Variants in PNPLA8 observed in about 807,000 individuals in gnomAD.
PNPLA8 encodes patatin like domain 8, phospholipase A2.
A neutral mutation model predicts 76.9 loss-of-function variants in PNPLA8; 39 were observed. That is an observed-to-expected ratio of 0.51 (90% CI 0.39 to 0.66). The LOEUF (loss-of-function observed/expected upper bound fraction) is 0.66, where lower values mean the gene tolerates loss of function less well. Among genes scored for constraint, PNPLA8 ranks in the 30% least tolerant of loss-of-function variants. The pLI is 0.00. For missense variants in PNPLA8, 887 were observed against 918.0 expected (o/e 0.97, Z 0.44); for synonymous variants, 301 against 307.9 (o/e 0.98, Z 0.24).
intron 4 of PNPLA8, among the ~76,000 whole-genome samples, chr7:108,507,824 C>G (rs1862569622): frequency 6.6e-6 from 1 of 151,446 alleles, no homozygotes; most frequent in Admixed American, 6.6e-5. Context: ...AACTTATCCA[C>G]CATGATCAAG....
At chr7:108,514,362 A>C in intron 3 of PNPLA8, 69 bp from the exon 4 acceptor site, 1 of 1,527,390 alleles carries the variant, frequency 6.5e-7, no homozygotes, top group Non-Finnish European at 8.9e-7. Flanking sequence ...AAAGTTTCTT[A>C]GTTCTCATTA....
Position 108,502,534 on chromosome 7 carries a change from C to G in PNPLA8, c.1315G>C (p.Gly439Arg). 1 of 1,612,152 alleles carries G rather than the reference C, an allele frequency of 6.2e-7. No individual in the cohort carries two copies. The highest frequency in any genetic ancestry group is 1.7e-5 in the Admixed American group (1 of 59,892). ...ATTGAGAGAATTCGGATTCCTCTCCCTTTCACTGGATCCACATAGCCAATT... is the reference window on the plus strand; with the variant it reads ...ATTGAGAGAATTCGGATTCCTCTCCGTTTCACTGGATCCACATAGCCAATT... ...ALIGYVDPVK[G>R]RGIRILSIDG... is the part of the protein sequence containing the mutation. Residue 439 changes from glycine (G) to arginine (R), a missense_variant, in exon 5 of 11, where the codon GGG becomes CGG. Physicochemically the swap from Gly to Arg is moderately radical, Grantham distance 125. Coordinates refer to ENST00000257694, the MANE Select transcript of PNPLA8 (RefSeq NM_001256007.3).
In PNPLA8 at chr7:108,515,340, T is replaced by G; in HGVS notation, c.152A>C (p.His51Pro). 6.2e-7 allele frequency: 1 copy of G among 1,613,764 alleles called. No homozygotes were observed. Among genetic ancestry groups the G allele is most frequent in the Non-Finnish European group, 8.5e-7 (1 of 1,179,852 alleles). Residue 51 changes from histidine (H) to proline (P), a missense_variant, in exon 3 of 11, where the codon CAT (histidine) becomes CCT (proline). Transcript: ENST00000257694. ...ISHISLQRGFHTNIIRCKWTK... is the reference protein window; with the variant it reads ...ISHISLQRGFPTNIIRCKWTK... ...CCATTTACATCTTATTATGTTTGTA[T>G]GAAAACCTCTTTGTAGACTGATGTG...
intron 4 of PNPLA8, among the ~76,000 whole-genome samples, chr7:108,505,120 T>C (rs1398016141): frequency 1.3e-5 from 2 of 151,046 alleles, no homozygotes; most frequent in East Asian, 1.9e-4. Context: ...AACAGATCCA[T>C]ATATACATCT....
intron 7 of PNPLA8, among the ~76,000 whole-genome samples, chr7:108,494,568 A>G (rs1861423113): frequency 6.6e-6 from 1 of 152,176 alleles, no homozygotes; most frequent in Non-Finnish European, 1.5e-5. Context: ...ATAGTATTCC[A>G]CAATGCATAT....
At chr7:108,507,365 A>AAAAAAAAC (rs1554686181) in intron 4 of PNPLA8, among the ~76,000 whole-genome samples, 4 of 150,076 alleles carry the variant, frequency 2.7e-5, no homozygotes, top group African/African-American at 7.3e-5. Context: ...AAAAAAAAAA[A>AAAAAAAAC]AGAAACAGGC....
At chr7:108,491,300 T>A in intron 8 of PNPLA8, 110 bp downstream of exon 8, 1 of 700,538 alleles carries the variant, frequency 1.4e-6, no homozygotes, top group South Asian at 1.8e-5. Flanking sequence ...AGAGTGAAAC[T>A]CTGTCTCAAA....
intron 5 of PNPLA8, among the ~76,000 whole-genome samples, chr7:108,499,633 G>A (rs1206256120): frequency 6.6e-6 from 1 of 152,194 alleles, no homozygotes; most frequent in Non-Finnish European, 1.5e-5. Flanking sequence ...CAAACTAGAT[G>A]CAAGTGGCAG....
chr7:108,502,494 G>C lies in PNPLA8; in HGVS notation c.1355C>G (p.Thr452Arg), dbSNP rs1347347797. 3 of 656,398 alleles carry C rather than the reference G, an allele frequency of 4.6e-6. No homozygotes were observed. Among genetic ancestry groups the C allele is most frequent in the African/African-American group, 2.1e-5 (1 of 48,062 alleles). 40.7% of individuals were successfully genotyped at this position (656,398 alleles called of 1,614,324 possible). A position where few individuals can be genotyped will look rare whatever the true frequency, so the allele number is the denominator to read the frequency against. ...AGAATCATGTTCCTAGCCTTACCTTGTTCCTCCACCATCAATTGAGAGAAT... is the reference window on the plus strand; with the variant it reads ...AGAATCATGTTCCTAGCCTTACCTTCTTCCTCCACCATCAATTGAGAGAAT... ...IRILSIDGGG[T>R]RGVVALQTLR... Residue 452 changes from threonine to arginine, a missense_variant, in exon 5 of 11, where the codon ACA becomes AGA. Physicochemically the swap from Thr to Arg is moderately conservative, Grantham distance 71. Coordinates refer to ENST00000257694, the MANE Select transcript of PNPLA8 (RefSeq NM_001256007.3).
chr7:108,522,956 C>A (rs1392023583), intron 1 of PNPLA8, among the ~76,000 whole-genome samples: 1 of 151,998 alleles, frequency 6.6e-6, no homozygotes, highest in Non-Finnish European at 1.5e-5. Flanking sequence ...GTTTAATTGC[C>A]CCCAAATCAC....
chr7:108,504,572 C>T (rs1598929990), intron 4 of PNPLA8, among the ~76,000 whole-genome samples: 1 of 152,288 alleles, frequency 6.6e-6, no homozygotes, highest in South Asian at 2.1e-4. Context: ...ATATTCACTG[C>T]AATCCCACCA....
In PNPLA8 at chr7:108,471,661, A is replaced by T. The variant is rs1210468058; in HGVS notation, c.*740T>A. 1 of 152,232 alleles carries T rather than the reference A, an allele frequency of 6.6e-6. No individual in the cohort carries two copies. Among genetic ancestry groups the T allele is most frequent in the Non-Finnish European group, 1.5e-5 (1 of 68,038 alleles). The allele number at this position is 152,232 out of a possible 1,614,324, so 9.4% of individuals were successfully genotyped here. On this transcript the variant is annotated 3_prime_UTR_variant, in exon 11 of 11. Coordinates refer to ENST00000257694, the MANE Select transcript of PNPLA8 (RefSeq NM_001256007.3). ...TAGTTTATTTTTGTTAATGATAGGA[A>T]TATCTCCTCAGTAAGTTCAAACCAT... is the stretch of plus-strand genomic sequence containing the variant.
In PNPLA8 at chr7:108,515,487, G is replaced by C. The variant is rs373015143; in HGVS notation, c.5C>G (p.Ser2Cys). Residue 2 changes from serine to cysteine, a missense_variant, in exon 3 of 11, where the codon TCT becomes TGT. Physicochemically the swap from Ser to Cys is moderately radical, Grantham distance 112. Coordinates refer to ENST00000257694, the MANE Select transcript of PNPLA8 (RefSeq NM_001256007.3). ...ATATATATCTACAGTCAGATTAATA[G>C]ACATAACTTAAAAATCATTTATTTT... MSINLTVDIYIY... is the reference protein window; with the variant it reads MCINLTVDIYIY... 1.3e-5 allele frequency: 18 copies of C among 1,422,954 alleles called. No individual in the cohort carries two copies. The highest frequency in any genetic ancestry group is 1.4e-5 in the Non-Finnish European group (15 of 1,079,740). 88.1% of individuals were successfully genotyped at this position (1,422,954 alleles called of 1,614,324 possible).
chr7:108,480,855 C>A (rs756583309), intron 9 of PNPLA8: 48 of 244,298 alleles, frequency 2.0e-4, no homozygotes, highest in Non-Finnish European at 3.6e-4. Flanking sequence ...AGTTCCATCA[C>A]CCCCAAAAAC....
chr7:108,494,455 G>T (rs1861414177), intron 7 of PNPLA8, among the ~76,000 whole-genome samples: 1 of 152,150 alleles, frequency 6.6e-6, no homozygotes, highest in South Asian at 2.1e-4. Flanking sequence ...TAAGTAAGAA[G>T]ATGTGGTATT....
rs2154516782 is a variant in PNPLA8 at position 108,515,359 on chromosome 7, TG to T, written c.132del (p.Ser45ValfsTer10). The stretch of plus-strand genomic sequence containing the variant: ...TTTGTATGAAAACCTCTTTGTAGAC[TG>T]ATGTGGCTTATCCTCCAGTAATGCT... The part of the protein sequence containing the change: ...SPKHYWRISH[I>X]SLQRGFHTNI... On this transcript the variant is annotated frameshift_variant, in exon 3 of 11. Transcript: ENST00000257694. LOFTEE classifies it high-confidence loss of function. 6.2e-7 allele frequency: 1 copy of T among 1,613,604 alleles called. No homozygotes were observed. Among genetic ancestry groups the T allele is most frequent in the Non-Finnish European group, 8.5e-7 (1 of 1,179,718 alleles).
In PNPLA8 at chr7:108,471,131, T is replaced by C. The variant is rs1859602384; in HGVS notation, c.*1270A>G. Reference sequence around the variant, plus strand: ...TGAGTTTGTTTGGCATGAACAATGTTCCATGTAAGTGCATCTTACCAACTT... The same window carrying C: ...TGAGTTTGTTTGGCATGAACAATGTCCCATGTAAGTGCATCTTACCAACTT... On this transcript the variant is annotated 3_prime_UTR_variant, in exon 11 of 11. Transcript: ENST00000257694. 6.6e-6 allele frequency: 1 copy of C among 152,106 alleles called. No individual in the cohort carries two copies. The highest frequency in any genetic ancestry group is 2.4e-5 in the African/African-American group (1 of 41,422). The allele number at this position is 152,106 out of a possible 1,614,324, so 9.4% of individuals were successfully genotyped here. A position where few individuals can be genotyped will look rare whatever the true frequency, so the allele number is the denominator to read the frequency against.
intron 6 of PNPLA8, among the ~76,000 whole-genome samples, chr7:108,497,231 A>G (rs550799271): frequency 2.6e-5 from 4 of 152,306 alleles, no homozygotes; most frequent in African/African-American, 9.6e-5. Context: ...ATGTAATTAA[A>G]CATATTAGGT....
chr7:108,481,532 T>C (rs1040406920), intron 9 of PNPLA8, among the ~76,000 whole-genome samples: 6 of 152,234 alleles, frequency 3.9e-5, no homozygotes, highest in African/African-American at 1.4e-4. Flanking sequence ...TTCAAGTCTT[T>C]GGCTCACATT....
Sources: allele counts gnomAD v4.1 joint callset (sites outside exome capture counted in the v4.1 genomes callset), GRCh38; gene constraint gnomAD v4.1.1; transcripts MANE v1.5; gene names NCBI Gene and HGNC (gene_info 2026-07-23, HGNC 2026-07-21).